Variants in ODR4 observed in about 807,000 individuals in gnomAD.
ODR4 encodes the protein odr-4 GPCR localization factor homolog, also known as protein odr-4 homolog.
ODR4 carries 47 observed loss-of-function variants against 60.2 expected under a neutral mutation model. The ratio of observed to expected loss-of-function variants is 0.78; its 90% CI spans 0.62 to 1.00. The LOEUF (loss-of-function observed/expected upper bound fraction) is 1.00. Ranked by LOEUF, ODR4 falls within the 50% of genes least tolerant of loss-of-function variation. The pLI, the probability that ODR4 is intolerant of heterozygous loss-of-function variation, is 0.00. For synonymous variants in ODR4, 178 were observed against 175.5 expected (o/e 1.01, Z -0.11); for missense variants, 488 against 530.8 (o/e 0.92, Z 0.79).
At chr1:186,434,849 T>C in the ODR4 span, among the ~76,000 whole-genome samples, 1 of 152,034 alleles carries the variant, frequency 6.6e-6, no homozygotes, top group African/African-American at 2.4e-5. Context: ...ACAGGAACCC[T>C]GTAGGGGAAA....
intron 9 of ODR4, among the ~76,000 whole-genome samples, chr1:186,395,030 A>G (rs1357857284): frequency 3.3e-5 from 5 of 152,336 alleles, no homozygotes; most frequent in Admixed American, 2.6e-4. Flanking sequence ...TGGGAGATGT[A>G]TAGAGTGTGG....
At chr1:186,389,529 A>T in intron 5 of ODR4, 59 bp from the exon 6 acceptor site, 1 of 1,305,900 alleles carries the variant, frequency 7.7e-7, no homozygotes, top group South Asian at 1.3e-5. Flanking sequence ...TTGATAGTTT[A>T]TATTCTTTTA....
chr1:186,411,467 A>G (rs1395295343), intron 12 of ODR4, among the ~76,000 whole-genome samples: 1 of 152,140 alleles, frequency 6.6e-6, no homozygotes, highest in Non-Finnish European at 1.5e-5. Flanking sequence ...TTTTAGCCTC[A>G]AAACAATATA....
At position 186,383,101 on chromosome 1, in the gene ODR4, C is replaced by T. The variant is rs1472805116; in HGVS notation, c.179C>T (p.Pro60Leu). ...GAGCAAAGTGAGAACCTCAAACATC[C>T]CAAAGCTAAGTTGGATAACTTGGAT... ...KEEQSENLKH[P>L]KAKLDNLDEE... Residue 60 changes from proline to leucine, a missense_variant, in exon 3 of 14, where the codon CCC (proline) becomes CTC (leucine). By Grantham distance (98) the Pro-to-Leu change is moderately conservative (BLOSUM62 -3). Coordinates refer to ENST00000287859, the MANE Select transcript of ODR4 (RefSeq NM_017847.6). 1.3e-6 allele frequency: 2 copies of T among 1,563,028 alleles called. No individual in the cohort carries two copies. Among genetic ancestry groups the T allele is most frequent in the Non-Finnish European group, 1.7e-6 (2 of 1,152,782 alleles).
intron 12 of ODR4, among the ~76,000 whole-genome samples, chr1:186,410,160 T>C (rs1010647218): frequency 6.6e-6 from 1 of 152,230 alleles, no homozygotes; most frequent in African/African-American, 2.4e-5. Context: ...ACAGCACTTC[T>C]TGTTTTCACA....
At chr1:186,432,730 T>A in the ODR4 span, among the ~76,000 whole-genome samples, 2 of 152,088 alleles carry the variant, frequency 1.3e-5, no homozygotes, top group Non-Finnish European at 2.9e-5. Flanking sequence ...TTTTTTAATG[T>A]TGTTTATTTA....
At chr1:186,424,227 A>T (rs1384858967), downstream of ODR4, among the ~76,000 whole-genome samples, 1 of 152,208 alleles carries the variant, frequency 6.6e-6, no homozygotes, top group Admixed American at 6.5e-5. Flanking sequence ...ACCTACATAC[A>T]ACAACCCAGA....
chr1:186,387,982 T>G (rs547820835), intron 4 of ODR4, among the ~76,000 whole-genome samples: 1 of 152,364 alleles, frequency 6.6e-6, no homozygotes, highest in Admixed American at 6.5e-5. Context: ...ACATGCTTGA[T>G]TTCTTTAGTT....
downstream of ODR4, among the ~76,000 whole-genome samples, chr1:186,426,340 T>G (rs1661879093): frequency 6.6e-6 from 1 of 152,220 alleles, no homozygotes; most frequent in Non-Finnish European, 1.5e-5. Context: ...CTCAGTTGGG[T>G]GGCCCTGCTC....
chr1:186,395,885 G>C (rs1262553927), intron 9 of ODR4, among the ~76,000 whole-genome samples: 2 of 152,048 alleles, frequency 1.3e-5, no homozygotes, highest in African/African-American at 4.8e-5. Flanking sequence ...AATTTCTTAA[G>C]TGTTCTGTAC....
chr1:186,387,941 T>A (rs1660315223), intron 4 of ODR4, among the ~76,000 whole-genome samples: 1 of 152,246 alleles, frequency 6.6e-6, no homozygotes, highest in South Asian at 2.1e-4. Flanking sequence ...AAGTCTTGTG[T>A]GACGTTTAAA....
chr1:186,384,648 C>A (rs1465640212), intron 3 of ODR4, among the ~76,000 whole-genome samples: 1 of 150,992 alleles, frequency 6.6e-6, no homozygotes, highest in East Asian at 1.9e-4. Context: ...TAACCTTTTA[C>A]CTCTAGAAAG....
At chr1:186,378,133 C>T (rs2102007990) in intron 1 of ODR4, among the ~76,000 whole-genome samples, 1 of 152,130 alleles carries the variant, frequency 6.6e-6, no homozygotes, top group East Asian at 1.9e-4. Context: ...AGGAAACAGC[C>T]TCCAGTAGGA....
intron 12 of ODR4, among the ~76,000 whole-genome samples, chr1:186,407,670 A>T (rs1174843022): frequency 6.6e-6 from 1 of 152,100 alleles, no homozygotes; most frequent in Non-Finnish European, 1.5e-5. Flanking sequence ...CATGAGTACC[A>T]CTTCCTCACT....
At chr1:186,379,927 T>A in intron 2 of ODR4, 43 bp downstream of exon 2, 2 of 1,109,400 alleles carry the variant, frequency 1.8e-6, no homozygotes, top group Non-Finnish European at 1.3e-6. Context: ...ATAATTACTC[T>A]GTAATTTATT....
In ODR4 at chr1:186,406,069, T is replaced by A; in HGVS notation, c.1001-14T>A. The stretch of plus-strand genomic sequence containing the variant: ...AACCTATCTAAATATTGATAATATT[T>A]CTTTTCCTTTTAGATTCTGAAAAAG... On this transcript the variant is annotated splice_polypyrimidine_tract_variant and intron_variant, in intron 11 of 13. Coordinates refer to ENST00000287859, the MANE Select transcript of ODR4 (RefSeq NM_017847.6). The A allele has an allele frequency of 1.3e-6, 2 of 1,523,938 alleles. No individual in the cohort carries two copies. Among genetic ancestry groups the A allele is most frequent in the Non-Finnish European group, 1.8e-6 (2 of 1,133,008 alleles). 94.4% of individuals were successfully genotyped at this position (1,523,938 alleles called of 1,614,324 possible).
At chr1:186,430,578 T>G in the ODR4 span, among the ~76,000 whole-genome samples, 1 of 152,162 alleles carries the variant, frequency 6.6e-6, no homozygotes, top group Non-Finnish European at 1.5e-5. Context: ...CTGCAATTTC[T>G]GTGTTTAACA....
rs746276437 is a variant in ODR4 at position 186,406,234 on chromosome 1, A to C, written c.1152A>C (p.Ile384=). 1.2e-6 allele frequency: 2 copies of C among 1,606,730 alleles called. No homozygotes were observed. The highest frequency in any genetic ancestry group is 2.7e-5 in the African/African-American group (2 of 74,488). ...AGATGTTGGATCACACAATTCAAATAGAAGATTTGGAAATTGCAGAGGAAA... is the reference window on the plus strand; with the variant it reads ...AGATGTTGGATCACACAATTCAAATCGAAGATTTGGAAATTGCAGAGGAAA... ...FMEMLDHTIQ[I]EDLEIAEETN... is the part of the protein sequence containing the mutation. The change falls in exon 12 of 14, where the codon ATA becomes ATC. Residue 384 remains isoleucine, a synonymous_variant. Transcript: ENST00000287859.
chr1:186,398,926 T>C, intron 10 of ODR4, 28 bp from the exon 11 acceptor site: 3 of 1,471,766 alleles, frequency 2.0e-6, no homozygotes, highest in Non-Finnish European at 2.8e-6. Flanking sequence ...TATTTCTTAC[T>C]GTGTTTTTTG....
Sources: allele counts gnomAD v4.1 joint callset (sites outside exome capture counted in the v4.1 genomes callset), GRCh38; gene constraint gnomAD v4.1.1; transcripts MANE v1.5; gene names NCBI Gene and HGNC (gene_info 2026-07-23, HGNC 2026-07-21).